The following SV2C variants were observed in gnomAD, a reference collection of about 807,000 sequenced individuals.
The protein encoded by SV2C is solute carrier family 22 member B3.
A neutral mutation model predicts 79.7 loss-of-function variants in SV2C; 49 were observed. The ratio of observed to expected loss-of-function variants is 0.61; its 90% CI spans 0.49 to 0.78. The LOEUF (loss-of-function observed/expected upper bound fraction) is 0.78. Ranked by LOEUF, SV2C falls within the 30% of genes least tolerant of loss-of-function variation. The pLI is 0.00. For synonymous variants in SV2C, 334 were observed against 333.2 expected (o/e 1.00, Z -0.03); for missense variants, 833 against 912.9 (o/e 0.91, Z 1.13).
the SV2C span, among the ~76,000 whole-genome samples, chr5:75,881,242 C>G: frequency 0.012 from 1,776 of 152,244 alleles, 30 homozygotes; most frequent in African/African-American, 0.04. Context: ...TTCATTTCAC[C>G]TAATTCCTCA....
At chr5:76,220,856 G>A (rs973497034) in intron 4 of SV2C, among the ~76,000 whole-genome samples, 16 of 152,128 alleles carry the variant, frequency 1.1e-4, no homozygotes, top group Non-Finnish European at 2.1e-4. Context: ...CACAAAGTGG[G>A]AAGGATTCAT....
chr5:76,259,272 C>A (rs1746389635), intron 4 of SV2C, among the ~76,000 whole-genome samples: 3 of 152,096 alleles, frequency 2.0e-5, no homozygotes, highest in South Asian at 4.1e-4. Context: ...TGTCAGTTCT[C>A]CTAAGTTGGA....
At chr5:75,873,289 G>A in the SV2C span, among the ~76,000 whole-genome samples, 5 of 152,014 alleles carry the variant, frequency 3.3e-5, no homozygotes, top group South Asian at 1.0e-3. Context: ...CAAAGGACAT[G>A]AATAGGGAAT....
the SV2C span, among the ~76,000 whole-genome samples, chr5:75,978,278 C>A: frequency 6.6e-6 from 1 of 152,166 alleles, no homozygotes; most frequent in Non-Finnish European, 1.5e-5. Flanking sequence ...ACCACACTAG[C>A]TGTACTTTGT....
the SV2C span, among the ~76,000 whole-genome samples, chr5:76,048,858 G>T: frequency 6.8e-6 from 1 of 147,174 alleles, no homozygotes; most frequent in African/African-American, 2.5e-5. Flanking sequence ...AGAAAGGAAG[G>T]GGGTGAGAGA....
At position 76,264,358 on chromosome 5, in the gene SV2C, T is replaced by C. The variant is rs991508695; in HGVS notation, c.914-20804T>C. Among the ~76,000 whole-genome samples, 14 of 152,096 alleles carry C rather than the reference T, an allele frequency of 9.2e-5. No homozygotes were observed. The East Asian group carries it at 1.4e-3, about 15-fold the overall frequency. The stretch of plus-strand genomic sequence containing the variant: ...TAACCTTTTTTCAAAGTTCTTAGCT[T>C]CCTCGCATTGGGTTAGAATGTGCTC... On this transcript the variant is annotated intron_variant, in intron 4 of 12. Coordinates refer to ENST00000502798, the MANE Select transcript of SV2C (RefSeq NM_014979.4).
the SV2C span, among the ~76,000 whole-genome samples, chr5:76,001,995 T>C: frequency 6.6e-6 from 1 of 152,058 alleles, no homozygotes; most frequent in Non-Finnish European, 1.5e-5. Flanking sequence ...ATATCATTCT[T>C]ATGCCTTTGT....
the SV2C span, among the ~76,000 whole-genome samples, chr5:76,032,407 C>T: frequency 6.6e-6 from 1 of 152,158 alleles, no homozygotes; most frequent in African/African-American, 2.4e-5. Context: ...CTCCCCCGAC[C>T]CCACAACAGT....
At chr5:75,947,756 AC>A in the SV2C span, among the ~76,000 whole-genome samples, 1 of 151,854 alleles carries the variant, frequency 6.6e-6, no homozygotes, top group Admixed American at 6.6e-5. Context: ...TTAATGTATA[AC>A]CCCTTATTAA....
At chr5:75,924,577 A>G in the SV2C span, among the ~76,000 whole-genome samples, 3 of 152,286 alleles carry the variant, frequency 2.0e-5, no homozygotes, top group East Asian at 1.9e-4. Context: ...CATCTTAACT[A>G]TCACATATGC....
At chr5:76,171,616 G>C (rs1357539323) in intron 2 of SV2C, among the ~76,000 whole-genome samples, 1 of 146,090 alleles carries the variant, frequency 6.8e-6, no homozygotes, top group Admixed American at 6.7e-5. Context: ...GGTGGGGGGG[G>C]GGTCAGCCCC....
intron 4 of SV2C, among the ~76,000 whole-genome samples, chr5:76,257,273 GTGTGT>G (rs1746304712): frequency 1.6e-5 from 1 of 63,992 alleles, no homozygotes; most frequent in East Asian, 4.2e-4. Context: ...ATGTGTGTGT[GTGTGT>G]GTGTGTGTGT....
the SV2C span, among the ~76,000 whole-genome samples, chr5:75,969,555 C>T: frequency 5.3e-5 from 8 of 152,044 alleles, no homozygotes; most frequent in African/African-American, 1.4e-4. Flanking sequence ...TTTAAACCAA[C>T]GAAGATCAAA....
chr5:76,200,263 C>A (rs941970360), intron 3 of SV2C, among the ~76,000 whole-genome samples: 1 of 152,200 alleles, frequency 6.6e-6, no homozygotes, highest in Non-Finnish European at 1.5e-5. Context: ...GGCAGAATTC[C>A]CACATTGGTA....
chr5:76,085,826 TACACAC>T (rs34074817), intron 1 of SV2C, among the ~76,000 whole-genome samples: 119 of 141,966 alleles, frequency 8.4e-4, no homozygotes, highest in African/African-American at 2.5e-3. Flanking sequence ...ACAAAGCCCC[TACACAC>T]ACACACACAC....
Position 76,325,513 on chromosome 5 carries a change from G to T in SV2C, c.2150G>T (p.Cys717Phe). The change falls in exon 13 of 13, where the codon TGC becomes TTC. Residue 717 changes from cysteine (C) to phenylalanine (F), a missense_variant. Physicochemically the swap from Cys to Phe is radical, Grantham distance 205 (BLOSUM62 -2). Transcript: ENST00000502798. ...VLVCGGLVGL[C>F]LPDTRTQVLM ...GTGTGTGGAGGACTCGTTGGGCTGT[G>T]CCTGCCTGACACACGAACCCAGGTT... 2 of 1,614,098 alleles carry T rather than the reference G, an allele frequency of 1.2e-6. No individual in the cohort carries two copies. Among genetic ancestry groups the T allele is most frequent in the Non-Finnish European group, 1.7e-6 (2 of 1,180,020 alleles).
chr5:76,231,977 G>A (rs1745436614), intron 4 of SV2C, among the ~76,000 whole-genome samples: 1 of 143,904 alleles, frequency 6.9e-6, no homozygotes, highest in Non-Finnish European at 1.5e-5. Flanking sequence ...TGAGTCAAAT[G>A]GTATTTCCAG....
the SV2C span, among the ~76,000 whole-genome samples, chr5:75,899,191 C>G: frequency 2.4e-4 from 37 of 152,278 alleles, no homozygotes; most frequent in Non-Finnish European, 3.8e-4. Context: ...TTCCTGCTTT[C>G]TCTTGTGGGC....
At chr5:76,004,417 A>G in the SV2C span, among the ~76,000 whole-genome samples, 8 of 152,152 alleles carry the variant, frequency 5.3e-5, no homozygotes, top group Admixed American at 3.3e-4. Flanking sequence ...AATGGGACCT[A>G]CCTTCTAGGA....
Sources: gnomAD v4.1 joint callset for allele counts (sites outside exome capture counted in the v4.1 genomes callset) on GRCh38, gnomAD v4.1.1 for gene constraint, MANE v1.5 for transcripts, NCBI Gene and HGNC (gene_info 2026-07-23, HGNC 2026-07-21) for gene names.